The following JAKMIP2 variants were observed in gnomAD, a reference collection of about 807,000 sequenced individuals.
The protein encoded by JAKMIP2 is janus kinase and microtubule-interacting protein 2.
A neutral mutation model predicts 115.0 loss-of-function variants in JAKMIP2; 25 were observed. The observed-to-expected ratio is 0.22, with a 90% CI of 0.16 to 0.30. JAKMIP2 has a LOEUF of 0.30. Ranked by LOEUF, JAKMIP2 falls within the 10% of genes least tolerant of loss-of-function variation. The pLI is 1.00. For synonymous variants in JAKMIP2, 334 were observed against 343.6 expected (o/e 0.97, Z 0.31); for missense variants, 642 against 957.6 (o/e 0.67, Z 4.35).
chr5:147,616,207 A>G (rs939954493), intron 19 of JAKMIP2, among the ~76,000 whole-genome samples: 1 of 152,232 alleles, frequency 6.6e-6, no homozygotes, highest in Admixed American at 6.5e-5. Flanking sequence ...AGTGTATTAC[A>G]TAGTTATATA....
intron 12 of JAKMIP2, among the ~76,000 whole-genome samples, chr5:147,635,394 A>G (rs1757566027): frequency 6.9e-6 from 1 of 144,474 alleles, no homozygotes; most frequent in African/African-American, 2.6e-5. Flanking sequence ...AACAGTATTC[A>G]TCTAAAAAAA....
At chr5:147,612,933 G>A (rs540701937) in intron 19 of JAKMIP2, among the ~76,000 whole-genome samples, 2 of 152,232 alleles carry the variant, frequency 1.3e-5, no homozygotes, top group East Asian at 3.9e-4. Flanking sequence ...CCTGTTTCAG[G>A]ATAGAATTTT....
intron 19 of JAKMIP2, among the ~76,000 whole-genome samples, chr5:147,615,763 A>C (rs767710818): frequency 2.6e-5 from 4 of 152,032 alleles, no homozygotes; most frequent in Non-Finnish European, 4.4e-5. Flanking sequence ...TTGTGAAGGC[A>C]GGGTCCACGG....
At chr5:147,620,785 T>C in intron 17 of JAKMIP2, 42 bp from the exon 18 acceptor site, 1 of 1,385,828 alleles carries the variant, frequency 7.2e-7, no homozygotes, top group Non-Finnish European at 1.0e-6. Context: ...CTTAGTTAAC[T>C]AGAAAGTGAC....
intron 1 of JAKMIP2, among the ~76,000 whole-genome samples, chr5:147,689,411 A>G (rs1030743503): frequency 4.6e-5 from 7 of 152,146 alleles, no homozygotes; most frequent in African/African-American, 1.7e-4. Flanking sequence ...GAGAAGACTG[A>G]GCATAAGGGT....
intron 1 of JAKMIP2, among the ~76,000 whole-genome samples, chr5:147,748,915 CA>C (rs1186962875): frequency 6.6e-6 from 1 of 152,206 alleles, no homozygotes; most frequent in African/African-American, 2.4e-5. Flanking sequence ...CTCTGGAAGA[CA>C]GAGGTTTTCT....
At chr5:147,782,362 G>A (rs1755792972) in intron 1 of JAKMIP2, 94 bp downstream of exon 1, 2 of 1,237,424 alleles carry the variant, frequency 1.6e-6, no homozygotes, top group Non-Finnish European at 2.3e-6. Flanking sequence ...TCTGAGGCAC[G>A]GGAGTCATTG....
At chr5:147,692,386 GTTGTTTTAAGCCACCAGT>G (rs1034958494) in intron 1 of JAKMIP2, among the ~76,000 whole-genome samples, 1 of 152,128 alleles carries the variant, frequency 6.6e-6, no homozygotes, top group African/African-American at 2.4e-5. Flanking sequence ...ATACATTTCT[GTTGTTTTAAGCCACCAGT>G]TTGTGGTAAT....
At chr5:147,752,615 T>TG (rs1754598500) in intron 1 of JAKMIP2, among the ~76,000 whole-genome samples, 1 of 152,116 alleles carries the variant, frequency 6.6e-6, no homozygotes, top group African/African-American at 2.4e-5. Flanking sequence ...GAGGAAAAGT[T>TG]GGTTGCATGG....
At chr5:147,696,326 C>T (rs905086723) in intron 1 of JAKMIP2, among the ~76,000 whole-genome samples, 1 of 152,110 alleles carries the variant, frequency 6.6e-6, no homozygotes, top group African/African-American at 2.4e-5. Context: ...TTCCCTCATG[C>T]TGTTCTCATG....
chr5:147,682,496 T>A (rs987415005), intron 1 of JAKMIP2, among the ~76,000 whole-genome samples: 8 of 152,188 alleles, frequency 5.3e-5, no homozygotes, highest in African/African-American at 1.7e-4. Flanking sequence ...TAATCCAGTA[T>A]ATATACAGAA....
intron 1 of JAKMIP2, among the ~76,000 whole-genome samples, chr5:147,713,874 G>T (rs1202298013): frequency 6.6e-6 from 1 of 152,134 alleles, no homozygotes; most frequent in African/African-American, 2.4e-5. Context: ...AACGGCAAAG[G>T]CAAAGCAAAA....
intron 1 of JAKMIP2, among the ~76,000 whole-genome samples, chr5:147,688,684 G>A (rs6877552): frequency 0.053 from 8,052 of 152,198 alleles, 308 homozygotes; most frequent in Non-Finnish European, 0.076. Context: ...TCTCTCAACC[G>A]CATCACTATA....
chr5:147,645,052 G>A, intron 5 of JAKMIP2, 56 bp from the exon 6 acceptor site: 1 of 1,568,340 alleles, frequency 6.4e-7, no homozygotes, highest in South Asian at 1.2e-5. Flanking sequence ...TGGGGGCAGG[G>A]GAGTAAAGTG....
chr5:147,628,270 TCAGTCAGTGTTGATTTTCTC>T (rs1200490805), intron 16 of JAKMIP2, among the ~76,000 whole-genome samples: 7 of 152,134 alleles, frequency 4.6e-5, no homozygotes, highest in African/African-American at 1.4e-4. Flanking sequence ...GAGCCAGAGC[TCAGTCAGTGTTGATTTTCTC>T]CTGACAGTCT....
rs966525422 is a variant in JAKMIP2 at position 147,588,758 on chromosome 5, T to C, written c.*2949A>G. The C allele has an allele frequency of 2.6e-5, 4 of 152,312 alleles. No homozygotes were observed. In the South Asian group the frequency reaches 8.3e-4, roughly 32 times the overall value. The allele number at this position is 152,312 out of a possible 1,614,324, so 9.4% of individuals were successfully genotyped here. Reference sequence around the variant, plus strand: ...TCTAAAGCTGCTTGGACAATCATCCTAGCTGTTGTTCTCATATGACTTATA... The same window carrying C: ...TCTAAAGCTGCTTGGACAATCATCCCAGCTGTTGTTCTCATATGACTTATA... On this transcript the variant is annotated 3_prime_UTR_variant, in exon 22 of 22. Coordinates refer to ENST00000616793, the MANE Select transcript of JAKMIP2 (RefSeq NM_001270941.2).
At chr5:147,735,367 A>T (rs1490057384) in intron 1 of JAKMIP2, among the ~76,000 whole-genome samples, 1 of 152,152 alleles carries the variant, frequency 6.6e-6, no homozygotes, top group Non-Finnish European at 1.5e-5. Context: ...TTATAAAGGA[A>T]AGAGGTTTAA....
intron 1 of JAKMIP2, among the ~76,000 whole-genome samples, chr5:147,702,643 A>AGAAGGAAG (rs1752405300): frequency 7.4e-6 from 1 of 134,414 alleles, no homozygotes; most frequent in African/African-American, 3.1e-5. Context: ...AAAGAAAGAA[A>AGAAGGAAG]GAAAGAAAGA....
At chr5:147,660,851 C>G in intron 3 of JAKMIP2, 97 bp downstream of exon 3, 1 of 1,368,600 alleles carries the variant, frequency 7.3e-7, no homozygotes, top group Non-Finnish European at 1.0e-6. Context: ...GTTTACAATC[C>G]ACTGACAAGA....
Sources: allele counts gnomAD v4.1 joint callset (sites outside exome capture counted in the v4.1 genomes callset), GRCh38; gene constraint gnomAD v4.1.1; transcripts MANE v1.5; gene names NCBI Gene and HGNC (gene_info 2026-07-23, HGNC 2026-07-21).